DEAF1: variants seen among roughly 807,000 people sequenced by gnomAD.
The protein encoded by DEAF1 is deformed epidermal autoregulatory factor 1 homolog.
Under a neutral mutation model 58.9 loss-of-function variants are expected in DEAF1, and 53 were observed. The observed-to-expected ratio is 0.90, with a 90% CI of 0.72 to 1.13. The LOEUF is 1.13. Ranked by LOEUF, DEAF1 falls within the 50% of genes most tolerant of loss-of-function variation. The pLI is 0.00. For missense variants in DEAF1, 685 were observed against 791.4 expected (o/e 0.87, Z 1.61); for synonymous variants, 385 against 340.4 (o/e 1.13, Z -1.44).
chr11:694,950 G>C lies in DEAF1; in HGVS notation c.98C>G (p.Ala33Gly). The change falls in exon 1 of 12, where the codon GCA (alanine) becomes GGA (glycine). Residue 33 changes from alanine (A) to glycine (G), a missense_variant. This residue lies in a region of DEAF1 where 210 missense variants were observed against 177.3 expected (regional missense o/e 1.18). Transcript: ENST00000382409. ...CACCGGCTCCTCCGCCTCGCCTCCT[G>C]CCGCGGCCGCGGCCGCCGCCGCCAC... ...AAVAAAAAAA[A>G]GGEAEEPVLS... is the part of the protein sequence containing the mutation. The C allele has an allele frequency of 8.2e-7, 1 of 1,215,810 alleles. No homozygotes were observed. Among genetic ancestry groups the C allele is most frequent in the Non-Finnish European group, 1.0e-6 (1 of 979,358 alleles). The allele number at this position is 1,215,810 out of a possible 1,614,324, so 75.3% of individuals were successfully genotyped here.
chr11:648,301 TCTC>T (rs1230654209), intron 11 of DEAF1, among the ~76,000 whole-genome samples: 1 of 151,292 alleles, frequency 6.6e-6, no homozygotes, highest in East Asian at 1.9e-4. Flanking sequence ...TTCATGCCAT[TCTC>T]CTGCCTCAGC....
At chr11:695,752 A>T, upstream of DEAF1, 3 of 1,239,516 alleles carry the variant, frequency 2.4e-6, no homozygotes, top group Non-Finnish European at 3.0e-6. Flanking sequence ...GAGACGCGAA[A>T]ATGGCCGAAG....
At chr11:697,212 C>T (rs1323759089), upstream of DEAF1, among the ~76,000 whole-genome samples, 1 of 152,128 alleles carries the variant, frequency 6.6e-6, no homozygotes, top group African/African-American at 2.4e-5. Flanking sequence ...TGTGATCAGG[C>T]CACTGCACTC....
At chr11:651,980 G>A (rs1406248974) in intron 11 of DEAF1, among the ~76,000 whole-genome samples, 3 of 152,294 alleles carry the variant, frequency 2.0e-5, no homozygotes, top group South Asian at 2.1e-4. Flanking sequence ...GAGAAAATCA[G>A]TGAGAATATG....
Position 680,972 on chromosome 11 carries a change from C to A in DEAF1, c.988G>T (p.Ala330Ser). ...KNITLLPATAATTFTVTPSGQ... is the reference protein window; with the variant it reads ...KNITLLPATASTTFTVTPSGQ... Reference sequence around the variant, plus strand: ...GTTTTCTCAAACTCACAGGTGGTAGCCGCGGTGGCTGGAAGCAATGTGATG... The same window carrying A: ...GTTTTCTCAAACTCACAGGTGGTAGACGCGGTGGCTGGAAGCAATGTGATG... Residue 330 changes from alanine to serine, a missense_variant, in exon 7 of 12, where the codon GCT becomes TCT. This residue lies in a region of DEAF1 where 343 missense variants were observed against 379.8 expected (regional missense o/e 0.90). Coordinates refer to ENST00000382409, the MANE Select transcript of DEAF1 (RefSeq NM_021008.4). 1.2e-6 allele frequency: 2 copies of A among 1,614,120 alleles called. No homozygotes were observed. Among genetic ancestry groups the A allele is most frequent in the Non-Finnish European group, 1.7e-6 (2 of 1,180,022 alleles).
chr11:700,806 G>T, intron 1 of DEAF1: 1 of 1,173,174 alleles, frequency 8.5e-7, no homozygotes, highest in South Asian at 1.2e-5. Context: ...GGTTCTCAGA[G>T]ACATTTTTTA....
chr11:667,889 A>C (rs1859627888), intron 10 of DEAF1, among the ~76,000 whole-genome samples: 1 of 152,188 alleles, frequency 6.6e-6, no homozygotes, highest in Non-Finnish European at 1.5e-5. Flanking sequence ...AGGCGGGTGG[A>C]TCACTTGAGC....
Position 679,823 on chromosome 11 carries a change from A to G in DEAF1, c.998-7T>C. 6.2e-7 allele frequency: 1 copy of G among 1,613,096 alleles called. No homozygotes were observed. ...CCCGAGGGGGTCACGGTGACTGGAA[A>G]GGCAGAAGCACATTTCACGCGGCCA... On this transcript the variant is annotated splice_polypyrimidine_tract_variant and splice_region_variant and intron_variant, in intron 7 of 11. Coordinates refer to ENST00000382409, the MANE Select transcript of DEAF1 (RefSeq NM_021008.4).
intron 10 of DEAF1, among the ~76,000 whole-genome samples, chr11:671,120 G>A (rs1402563878): frequency 5.9e-5 from 9 of 151,382 alleles, no homozygotes; most frequent in African/African-American, 2.2e-4. Flanking sequence ...AGTAGAGATG[G>A]GGTTTCACCA....
At chr11:694,252 G>T (rs538472409) in intron 1 of DEAF1, among the ~76,000 whole-genome samples, 4 of 151,002 alleles carry the variant, frequency 2.6e-5, no homozygotes, top group Admixed American at 2.6e-4. Flanking sequence ...GCAGGGCAGG[G>T]CCAGGTCAGG....
intron 10 of DEAF1, among the ~76,000 whole-genome samples, chr11:662,569 C>T (rs1469594388): frequency 6.6e-6 from 1 of 152,180 alleles, no homozygotes; most frequent in Non-Finnish European, 1.5e-5. Flanking sequence ...GGAGGTTGCT[C>T]CGCGTTGCTG....
chr11:669,759 G>A (rs758396907), intron 10 of DEAF1, among the ~76,000 whole-genome samples: 13 of 150,836 alleles, frequency 8.6e-5, no homozygotes, highest in South Asian at 4.2e-4. Flanking sequence ...GTGAAACCTC[G>A]TCTCTACTTA....
intron 10 of DEAF1, chr11:666,079 T>TTA (rs1047409160): frequency 6.6e-6 from 1 of 151,828 alleles, no homozygotes; most frequent in African/African-American, 2.4e-5. Context: ...CCTTCACAAG[T>TTA]TAGAGGCTTA....
At chr11:703,485 C>A in intron 1 of DEAF1, 5 of 1,255,484 alleles carry the variant, frequency 4.0e-6, no homozygotes, top group Non-Finnish European at 5.0e-6. Flanking sequence ...CCCCCAGGGC[C>A]GAGAGGGAGG....
At chr11:676,103 C>A (rs1159981885) in intron 9 of DEAF1, among the ~76,000 whole-genome samples, 1 of 40,780 alleles carries the variant, frequency 2.5e-5, no homozygotes, top group Non-Finnish European at 4.6e-5. Context: ...GCACCTGACA[C>A]CCCCCAGCAT....
rs756288901 is a variant in DEAF1, at chr11:691,599, C to T, written c.290-1G>A. 6.2e-7 allele frequency: 1 copy of T among 1,613,272 alleles called. No individual in the cohort carries two copies. The highest frequency in any genetic ancestry group is 1.1e-5 in the South Asian group (1 of 91,068). ...TTGGCCACTGTCACTGTGGTCACCT[C>T]TGCAACAGAAGGAGCCTCATTTAAC... is the stretch of plus-strand genomic sequence containing the variant. On this transcript the variant is annotated splice_acceptor_variant, in intron 1 of 11. Transcript: ENST00000382409. LOFTEE classifies it high-confidence loss of function.
rs1043417916 is a variant in DEAF1 at position 695,000 on chromosome 11, C to T, written c.48G>A (p.Ala16=). The T allele has an allele frequency of 1.3e-5, 17 of 1,271,336 alleles. No homozygotes were observed. Among genetic ancestry groups the T allele is most frequent in the Non-Finnish European group, 1.6e-5 (16 of 1,011,400 alleles). The allele number at this position is 1,271,336 out of a possible 1,614,324, so 78.8% of individuals were successfully genotyped here. A position where few individuals can be genotyped will look rare whatever the true frequency, so the allele number is the denominator to read the frequency against. ...CAGCGGCCGCGGCCGCCACCGCCGCCGCCTCAGCCAGGCCCAGCTGCTTTG... is the reference window on the plus strand; with the variant it reads ...CAGCGGCCGCGGCCGCCACCGCCGCTGCCTCAGCCAGGCCCAGCTGCTTTG... The part of the protein sequence containing the change: ...SAAKQLGLAE[A]AAVAAAAAVA... Residue 16 remains alanine, a synonymous_variant, in exon 1 of 12, where the codon GCG becomes GCA. Transcript: ENST00000382409.
At chr11:650,865 C>T (rs867749457) in intron 11 of DEAF1, among the ~76,000 whole-genome samples, 4 of 152,060 alleles carry the variant, frequency 2.6e-5, no homozygotes, top group Admixed American at 6.5e-5. Flanking sequence ...CATGCCACTG[C>T]GCTCCAGTCT....
At chr11:697,065 A>C (rs1251712232), upstream of DEAF1, among the ~76,000 whole-genome samples, 1 of 150,640 alleles carries the variant, frequency 6.6e-6, no homozygotes, top group Non-Finnish European at 1.5e-5. Flanking sequence ...GCACCATTGC[A>C]CTGCAGCCTG....
Sources: allele counts gnomAD v4.1 joint callset (sites outside exome capture counted in the v4.1 genomes callset), GRCh38; gene constraint gnomAD v4.1.1; regional missense constraint gnomAD v4.1.1; transcripts MANE v1.5; gene names NCBI Gene and HGNC (gene_info 2026-07-23, HGNC 2026-07-21).